Variants in UVRAG observed in about 807,000 individuals in gnomAD.
UVRAG encodes the protein UV radiation resistance associated.
In UVRAG, 19 loss-of-function variants were observed where a neutral mutation model predicts 78.0. That is an observed-to-expected ratio of 0.24 (90% CI 0.17 to 0.36). The LOEUF (loss-of-function observed/expected upper bound fraction) is 0.36. Among genes scored for constraint, UVRAG ranks in the 10% least tolerant of loss-of-function variants. UVRAG has a pLI of 1.00. For synonymous variants in UVRAG, 323 were observed against 324.6 expected (o/e 1.00, Z 0.05); for missense variants, 740 against 853.8 (o/e 0.87, Z 1.66).
At chr11:75,911,820 T>G (rs1947746728) in intron 5 of UVRAG, 134 bp from the exon 6 acceptor site, 1 of 587,510 alleles carries the variant, frequency 1.7e-6, no homozygotes, top group African/African-American at 1.9e-5. Context: ...TATACTTTAC[T>G]TTTTGGAATC....
intron 14 of UVRAG, among the ~76,000 whole-genome samples, chr11:76,138,501 A>G (rs1952639280): frequency 6.6e-6 from 1 of 150,580 alleles, no homozygotes; most frequent in South Asian, 2.1e-4. Flanking sequence ...GAGAACTTTT[A>G]GAGTTCTCAA....
intron 3 of UVRAG, among the ~76,000 whole-genome samples, chr11:75,872,217 T>C (rs1351542212): frequency 6.6e-6 from 1 of 152,110 alleles, no homozygotes; most frequent in Non-Finnish European, 1.5e-5. Context: ...CTTTCTTAAA[T>C]AGGGGAAGAT....
At chr11:75,844,709 G>T (rs1440290756) in intron 1 of UVRAG, among the ~76,000 whole-genome samples, 2 of 148,136 alleles carry the variant, frequency 1.4e-5, no homozygotes, top group African/African-American at 5.0e-5. Flanking sequence ...GCCTCACTGT[G>T]TTGCCCAGTC....
At chr11:76,091,991 G>A (rs111542673) in intron 13 of UVRAG, among the ~76,000 whole-genome samples, 3 of 141,056 alleles carry the variant, frequency 2.1e-5, no homozygotes, top group Admixed American at 7.2e-5. Context: ...CCCTTCCCCC[G>A]ACCCCACAAC....
chr11:75,821,239 A>G (rs1310698750), intron 1 of UVRAG, among the ~76,000 whole-genome samples: 3 of 152,156 alleles, frequency 2.0e-5, no homozygotes, highest in Non-Finnish European at 4.4e-5. Flanking sequence ...TCCATGTTGC[A>G]GGGTATGTTA....
intron 1 of UVRAG, among the ~76,000 whole-genome samples, chr11:75,833,821 C>T (rs1169662897): frequency 6.6e-6 from 1 of 152,214 alleles, no homozygotes; most frequent in Non-Finnish European, 1.5e-5. Context: ...CCTTAAGGCA[C>T]AGATCGCTCA....
chr11:75,894,082 A>G (rs1947285611), intron 5 of UVRAG, among the ~76,000 whole-genome samples: 3 of 152,220 alleles, frequency 2.0e-5, no homozygotes, highest in Admixed American at 1.3e-4. Context: ...ACAAATGGTT[A>G]AAACATTAGT....
At chr11:75,971,997 G>T (rs1175635421) in intron 7 of UVRAG, among the ~76,000 whole-genome samples, 2 of 151,998 alleles carry the variant, frequency 1.3e-5, no homozygotes, top group Admixed American at 6.5e-5. Flanking sequence ...AGCCAGGGTT[G>T]TTTGTTTTCT....
At chr11:76,121,589 G>T (rs1952277050) in intron 14 of UVRAG, among the ~76,000 whole-genome samples, 1 of 152,216 alleles carries the variant, frequency 6.6e-6, no homozygotes, top group Admixed American at 6.5e-5. Flanking sequence ...AAGAGATTAT[G>T]TGCGAGGTTG....
intron 7 of UVRAG, among the ~76,000 whole-genome samples, chr11:75,981,363 C>T (rs1949388302): frequency 6.6e-6 from 1 of 152,166 alleles, no homozygotes; most frequent in African/African-American, 2.4e-5. Flanking sequence ...CTGCCCACCT[C>T]AGCCTCCCAA....
rs887213505 is a variant in UVRAG, at chr11:76,008,951, T to C, written c.1060+84T>C. 7 of 798,510 alleles carry C rather than the reference T, an allele frequency of 8.8e-6. No individual in the cohort carries two copies. The African/African-American group carries it at 1.2e-4, about 14-fold the overall frequency. The allele number at this position is 798,510 out of a possible 1,614,324, so 49.5% of individuals were successfully genotyped here. ...TTGAAATGCTGGTTGCCTAGCACTTTATCCAAAGGAATTTTTGGACTTTCT... is the reference window on the plus strand; with the variant it reads ...TTGAAATGCTGGTTGCCTAGCACTTCATCCAAAGGAATTTTTGGACTTTCT... On this transcript the variant is annotated intron_variant, in intron 11 of 14. Transcript: ENST00000356136.
chr11:75,959,811 A>T (rs955003723), intron 6 of UVRAG, among the ~76,000 whole-genome samples: 8 of 152,314 alleles, frequency 5.3e-5, no homozygotes, highest in African/African-American at 1.4e-4. Context: ...AGTGAGAGAC[A>T]TAGGACTATT....
intron 8 of UVRAG, among the ~76,000 whole-genome samples, chr11:75,984,597 T>C (rs1364645241): frequency 6.6e-6 from 1 of 152,176 alleles, no homozygotes; most frequent in African/African-American, 2.4e-5. Context: ...AACATACCCA[T>C]GTGAGCAGAA....
chr11:75,898,899 C>G (rs1205097250), intron 5 of UVRAG, among the ~76,000 whole-genome samples: 1 of 152,106 alleles, frequency 6.6e-6, no homozygotes, highest in African/African-American at 2.4e-5. Context: ...TGGATACTAA[C>G]TTGTTTCCAA....
chr11:75,840,368 G>A (rs964711468), intron 1 of UVRAG, among the ~76,000 whole-genome samples: 3 of 152,022 alleles, frequency 2.0e-5, no homozygotes, highest in Admixed American at 6.6e-5. Flanking sequence ...GGGCGGTAGC[G>A]GATCTACCTG....
chr11:76,015,135 C>G (rs1950122910), intron 11 of UVRAG, among the ~76,000 whole-genome samples: 1 of 152,136 alleles, frequency 6.6e-6, no homozygotes, highest in Non-Finnish European at 1.5e-5. Context: ...TTTGCTCTTA[C>G]TAGAAAACTG....
chr11:76,087,661 A>T (rs1278701666), intron 13 of UVRAG, among the ~76,000 whole-genome samples: 1 of 152,230 alleles, frequency 6.6e-6, no homozygotes, highest in Admixed American at 6.5e-5. Context: ...AAGATACTTT[A>T]TCAAAGTATT....
At chr11:75,859,687 A>AT (rs532796874) in intron 2 of UVRAG, among the ~76,000 whole-genome samples, 7 of 151,058 alleles carry the variant, frequency 4.6e-5, no homozygotes, top group South Asian at 4.2e-4. Context: ...GACTGGAACT[A>AT]TTTTTTTTTA....
At chr11:76,011,917 C>T (rs553452059) in intron 11 of UVRAG, among the ~76,000 whole-genome samples, 6 of 152,134 alleles carry the variant, frequency 3.9e-5, no homozygotes, top group Admixed American at 3.9e-4. Context: ...CTATCAGGAG[C>T]GATCAGGAAA....
Sources: gnomAD v4.1 joint callset for allele counts (sites outside exome capture counted in the v4.1 genomes callset) on GRCh38, gnomAD v4.1.1 for gene constraint, MANE v1.5 for transcripts, NCBI Gene and HGNC (gene_info 2026-07-23, HGNC 2026-07-21) for gene names.